The following LRRIQ3 variants were observed in gnomAD, a reference collection of about 807,000 sequenced individuals.
The protein encoded by LRRIQ3 is leucine rich repeats and IQ motif containing 3.
In LRRIQ3, 75 loss-of-function variants were observed where a neutral mutation model predicts 59.3. The ratio of observed to expected loss-of-function variants is 1.26; its 90% CI spans 1.05 to 1.53. The LOEUF is 1.53. Among genes scored for constraint, LRRIQ3 ranks in the 40% most tolerant of loss-of-function variants. The probability of loss-of-function intolerance (pLI) is 0.00; values close to 1 mark genes in which losing one functional copy is unlikely to be tolerated. For missense variants in LRRIQ3, 831 were observed against 710.0 expected (o/e 1.17, Z -1.94); for synonymous variants, 250 against 231.3 (o/e 1.08, Z -0.73).
chr1:74,076,923 A>G (rs1263679239), intron 5 of LRRIQ3, among the ~76,000 whole-genome samples: 2 of 152,112 alleles, frequency 1.3e-5, no homozygotes, highest in African/African-American at 4.8e-5. Context: ...AAACACAAAT[A>G]AGTACTTTTA....
chr1:74,116,302 C>T (rs1646775777), intron 4 of LRRIQ3, among the ~76,000 whole-genome samples: 1 of 151,932 alleles, frequency 6.6e-6, no homozygotes, highest in Non-Finnish European at 1.5e-5. Flanking sequence ...TCTTTTGTAA[C>T]TTTGGAAATA....
intron 4 of LRRIQ3, among the ~76,000 whole-genome samples, chr1:74,110,166 C>T (rs1447897152): frequency 6.6e-6 from 1 of 151,706 alleles, no homozygotes; most frequent in Non-Finnish European, 1.5e-5. Flanking sequence ...TAACATCATA[C>T]TCAATGGTCA....
At chr1:74,171,087 T>C (rs918652114) in intron 3 of LRRIQ3, among the ~76,000 whole-genome samples, 5 of 152,192 alleles carry the variant, frequency 3.3e-5, no homozygotes, top group Non-Finnish European at 5.9e-5. Context: ...TATAAGACCA[T>C]GCCACCTGCA....
intron 5 of LRRIQ3, among the ~76,000 whole-genome samples, chr1:74,095,699 A>G (rs894725544): frequency 5.3e-5 from 8 of 152,094 alleles, no homozygotes; most frequent in African/African-American, 1.9e-4. Flanking sequence ...TATATAACTA[A>G]ACCATGGTCA....
At chr1:74,191,728 C>T (rs1650778544) in intron 1 of LRRIQ3, among the ~76,000 whole-genome samples, 1 of 151,880 alleles carries the variant, frequency 6.6e-6, no homozygotes, top group Non-Finnish European at 1.5e-5. Flanking sequence ...ATATTTTGAA[C>T]TAATAAAAAT....
At chr1:74,181,970 T>A (rs889413945) in intron 3 of LRRIQ3, 5 of 151,770 alleles carry the variant, frequency 3.3e-5, no homozygotes, top group Non-Finnish European at 4.4e-5. Context: ...ACCCCCTCTT[T>A]TGAACTCTTA....
intron 6 of LRRIQ3, among the ~76,000 whole-genome samples, chr1:74,055,512 CA>C (rs1654507275): frequency 6.6e-6 from 1 of 152,104 alleles, no homozygotes. Context: ...CATGTTGTAA[CA>C]TTTATCAGTA....
At chr1:74,099,341 C>T (rs1423166567) in intron 5 of LRRIQ3, among the ~76,000 whole-genome samples, 1 of 152,094 alleles carries the variant, frequency 6.6e-6, no homozygotes, top group African/African-American at 2.4e-5. Context: ...ATACACCCTC[C>T]CAAGACTAAA....
At chr1:74,038,257 C>A (rs942083124) in intron 7 of LRRIQ3, among the ~76,000 whole-genome samples, 2 of 152,136 alleles carry the variant, frequency 1.3e-5, no homozygotes, top group Non-Finnish European at 2.9e-5. Context: ...GGTGGGGTCT[C>A]CCTGCAGGAA....
In LRRIQ3 at chr1:74,049,175, C is replaced by T. The variant is rs140096783; in HGVS notation, c.998-7242G>A. ...GCCTGCTAGGGATACAGAGAGAAAGCCACCTGAAATCCACTAAGTAAGAGG... is the reference window on the plus strand; with the variant it reads ...GCCTGCTAGGGATACAGAGAGAAAGTCACCTGAAATCCACTAAGTAAGAGG... On this transcript the variant is annotated intron_variant, in intron 6 of 7. Coordinates refer to ENST00000354431, the MANE Select transcript of LRRIQ3 (RefSeq NM_001105659.2). 5.8e-4 allele frequency among the ~76,000 whole-genome samples: 89 copies of T among 152,270 alleles called. 1 individual carries two copies. Among genetic ancestry groups the T allele is most frequent in the African/African-American group, 2.1e-3 (86 of 41,572 alleles).
At chr1:74,184,376 G>T (rs1289776156) in intron 1 of LRRIQ3, among the ~76,000 whole-genome samples, 1 of 152,036 alleles carries the variant, frequency 6.6e-6, no homozygotes, top group Non-Finnish European at 1.5e-5. Context: ...CACTTATTAA[G>T]AGTAATTTCA....
chr1:74,176,628 T>C (rs562297021), intron 3 of LRRIQ3, among the ~76,000 whole-genome samples: 1 of 109,296 alleles, frequency 9.1e-6, no homozygotes, highest in African/African-American at 3.6e-5. Context: ...CCTGAAGCTA[T>C]GTTCATTTCT....
chr1:74,096,595 C>G (rs1346067365), intron 5 of LRRIQ3, among the ~76,000 whole-genome samples: 1 of 152,110 alleles, frequency 6.6e-6, no homozygotes, highest in Non-Finnish European at 1.5e-5. Context: ...TGGTGAGGAG[C>G]TGCATTCCTT....
At chr1:74,068,297 C>A (rs1394487511) in intron 6 of LRRIQ3, among the ~76,000 whole-genome samples, 2 of 152,040 alleles carry the variant, frequency 1.3e-5, no homozygotes, top group African/African-American at 4.8e-5. Flanking sequence ...TATTTCTCAT[C>A]TAAGAATCAA....
intron 4 of LRRIQ3, among the ~76,000 whole-genome samples, chr1:74,115,364 T>G (rs1021713690): frequency 6.6e-6 from 1 of 152,172 alleles, no homozygotes; most frequent in African/African-American, 2.4e-5. Flanking sequence ...TCTCAACATT[T>G]CTTTAATATT....
At chr1:74,163,488 T>TG (rs1648782072) in intron 3 of LRRIQ3, among the ~76,000 whole-genome samples, 1 of 151,652 alleles carries the variant, frequency 6.6e-6, no homozygotes, top group Non-Finnish European at 1.5e-5. Context: ...ACTCTAAGTG[T>TG]GCTAGGCAGT....
intron 6 of LRRIQ3, among the ~76,000 whole-genome samples, chr1:74,055,078 C>G (rs1182779886): frequency 6.8e-6 from 1 of 147,588 alleles, no homozygotes; most frequent in Non-Finnish European, 1.5e-5. Context: ...TCCAGTGGGT[C>G]TTTGCCACTT....
chr1:74,060,755 A>C (rs1371211880), intron 6 of LRRIQ3, among the ~76,000 whole-genome samples: 3 of 152,066 alleles, frequency 2.0e-5, no homozygotes, highest in Non-Finnish European at 4.4e-5. Context: ...CCACCAAGGG[A>C]CCAGGACATC....
chr1:74,099,284 G>A (rs1304308961), intron 5 of LRRIQ3, among the ~76,000 whole-genome samples: 10 of 152,132 alleles, frequency 6.6e-5, no homozygotes, highest in Middle Eastern at 3.4e-3. Flanking sequence ...ACACCTCTAC[G>A]CAAATAAACT....
Sources: gnomAD v4.1 joint callset for allele counts (sites outside exome capture counted in the v4.1 genomes callset) on GRCh38, gnomAD v4.1.1 for gene constraint, MANE v1.5 for transcripts, NCBI Gene and HGNC (gene_info 2026-07-23, HGNC 2026-07-21) for gene names.